METTL24: variants seen among roughly 807,000 people sequenced by gnomAD.
The protein encoded by METTL24 is probable methyltransferase-like protein 24.
In METTL24, 29 loss-of-function variants were observed where a neutral mutation model predicts 32.7. The ratio of observed to expected loss-of-function variants is 0.89; its 90% CI spans 0.66 to 1.21. The LOEUF (loss-of-function observed/expected upper bound fraction) is 1.21, where lower values mean the gene tolerates loss of function less well. Among genes scored for constraint, METTL24 ranks in the 50% most tolerant of loss-of-function variants. The probability of loss-of-function intolerance (pLI) is 0.00; values close to 1 mark genes in which losing one functional copy is unlikely to be tolerated. For synonymous variants in METTL24, 163 were observed against 179.5 expected (o/e 0.91, Z 0.73); for missense variants, 439 against 468.1 (o/e 0.94, Z 0.57).
chr6:110,333,440 A>G (rs1772146212), intron 1 of METTL24, among the ~76,000 whole-genome samples: 1 of 151,826 alleles, frequency 6.6e-6, no homozygotes, highest in Non-Finnish European at 1.5e-5. Flanking sequence ...TTTTCACTTG[A>G]TTTTTATTTT....
At chr6:110,353,332 G>A (rs1772646119) in intron 1 of METTL24, among the ~76,000 whole-genome samples, 1 of 152,086 alleles carries the variant, frequency 6.6e-6, no homozygotes, top group African/African-American at 2.4e-5. Context: ...ACTACTGCTG[G>A]GCCATGTTTC....
At position 110,282,266 on chromosome 6, in the gene METTL24, G is replaced by A. The variant is rs183587359; in HGVS notation, c.786+16656C>T. ...CTAATAGAAGTTCCCCCATCACTAA[G>A]AAAGTGAAAGGCAATAAAATATACC... On this transcript the variant is annotated intron_variant, in intron 4 of 4. Transcript: ENST00000338882. 1.2e-3 allele frequency among the ~76,000 whole-genome samples: 184 copies of A among 152,184 alleles called. 1 individual carries two copies. Among genetic ancestry groups the A allele is most frequent in the Non-Finnish European group, 2.9e-4 (20 of 67,980 alleles).
chr6:110,340,442 C>G (rs1032476506), intron 1 of METTL24, among the ~76,000 whole-genome samples: 1 of 152,186 alleles, frequency 6.6e-6, no homozygotes, highest in Admixed American at 6.5e-5. Flanking sequence ...CCATCCCTGG[C>G]CATGTCTTAA....
At chr6:110,289,146 G>GA (rs1357070925) in intron 4 of METTL24, among the ~76,000 whole-genome samples, 8 of 152,148 alleles carry the variant, frequency 5.3e-5, no homozygotes, top group African/African-American at 1.9e-4. Context: ...AAGCCAAAAA[G>GA]AAAGAGAAAA....
intron 1 of METTL24, among the ~76,000 whole-genome samples, chr6:110,342,197 G>A (rs1772372745): frequency 6.6e-6 from 1 of 152,220 alleles, no homozygotes; most frequent in African/African-American, 2.4e-5. Flanking sequence ...GGCAGCTTGA[G>A]GCTCTCTCTG....
intron 1 of METTL24, among the ~76,000 whole-genome samples, chr6:110,348,003 A>C (rs1772512772): frequency 6.6e-6 from 1 of 152,238 alleles, no homozygotes; most frequent in Admixed American, 6.5e-5. Flanking sequence ...TAATAAAATA[A>C]ATATTTAAAA....
At chr6:110,342,445 C>A (rs531398008) in intron 1 of METTL24, among the ~76,000 whole-genome samples, 1 of 152,230 alleles carries the variant, frequency 6.6e-6, no homozygotes, top group Admixed American at 6.5e-5. Context: ...GGCTGAGGTC[C>A]CAGGGTACGC....
intron 4 of METTL24, among the ~76,000 whole-genome samples, chr6:110,293,587 T>G (rs1250421196): frequency 1.3e-5 from 2 of 151,998 alleles, no homozygotes; most frequent in African/African-American, 4.8e-5. Flanking sequence ...TTTATACTCC[T>G]AAATTTTTTT....
chr6:110,249,702 T>A (rs543866095), intron 4 of METTL24, among the ~76,000 whole-genome samples: 5 of 152,138 alleles, frequency 3.3e-5, no homozygotes, highest in African/African-American at 1.2e-4. Flanking sequence ...ATTATGCCAC[T>A]AAAAATCATA....
intron 1 of METTL24, among the ~76,000 whole-genome samples, chr6:110,333,455 T>C (rs1026370019): frequency 1.3e-5 from 2 of 152,110 alleles, no homozygotes; most frequent in Non-Finnish European, 2.9e-5. Flanking sequence ...TATTTTATTA[T>C]ATTATTATTT....
chr6:110,251,212 G>T (rs1019733911), intron 4 of METTL24, among the ~76,000 whole-genome samples: 3 of 152,120 alleles, frequency 2.0e-5, no homozygotes, highest in Non-Finnish European at 4.4e-5. Flanking sequence ...GGCTAAATTT[G>T]CAAACAATTG....
At chr6:110,267,512 G>A (rs191638176) in intron 4 of METTL24, among the ~76,000 whole-genome samples, 4 of 152,198 alleles carry the variant, frequency 2.6e-5, no homozygotes, top group East Asian at 1.9e-4. Context: ...AGAAATAATC[G>A]TTCATCAGCT....
chr6:110,247,504 T>C (rs1297788642), intron 4 of METTL24, among the ~76,000 whole-genome samples: 1 of 152,188 alleles, frequency 6.6e-6, no homozygotes, highest in Non-Finnish European at 1.5e-5. Flanking sequence ...AGTATTATTA[T>C]CAATATTGCC....
chr6:110,265,168 AG>A (rs1414626438), intron 4 of METTL24, among the ~76,000 whole-genome samples: 7 of 150,336 alleles, frequency 4.7e-5, no homozygotes, highest in Admixed American at 1.3e-4. Context: ...AAAGAAAGAA[AG>A]AAAGAAAGAA....
chr6:110,265,125 AAAGGAAAGAAAGAAAGAAAGAAAGAAAG>A (rs1229350919), intron 4 of METTL24, among the ~76,000 whole-genome samples: 7 of 142,752 alleles, frequency 4.9e-5, no homozygotes, highest in African/African-American at 1.8e-4. Flanking sequence ...GTATAATAAA[AAAGGAAAGAAAGAAAGAAAGAAAGAAAG>A]AAAGAAAGAA....
chr6:110,283,271 CA>C (rs1771168441), intron 4 of METTL24, among the ~76,000 whole-genome samples: 1 of 152,152 alleles, frequency 6.6e-6, no homozygotes, highest in Non-Finnish European at 1.5e-5. Flanking sequence ...CATCCACAGG[CA>C]GGTTCCCTTT....
At position 110,324,858 on chromosome 6, in the gene METTL24, T is replaced by C. The variant is rs535890654; in HGVS notation, c.319-1986A>G. Among the ~76,000 whole-genome samples the C allele has an allele frequency of 2.4e-4, 36 of 152,368 alleles. 1 individual carries two copies. Among genetic ancestry groups the C allele is most frequent in the African/African-American group, 7.7e-4 (32 of 41,588 alleles). ...GCCTTAGCCACTCTGTGCCAGGCAC[T>C]GGTAAATAGAGATATGACTAAAACC... On this transcript the variant is annotated intron_variant, in intron 1 of 4. Coordinates refer to ENST00000338882, the MANE Select transcript of METTL24 (RefSeq NM_001123364.3).
At chr6:110,333,398 TTTTA>T (rs1311520787) in intron 1 of METTL24, among the ~76,000 whole-genome samples, 2 of 152,254 alleles carry the variant, frequency 1.3e-5, no homozygotes, top group African/African-American at 2.4e-5. Context: ...TAAACCGTGT[TTTTA>T]TTTGAGATTT....
intron 1 of METTL24, among the ~76,000 whole-genome samples, chr6:110,346,691 G>A (rs941595674): frequency 5.3e-5 from 8 of 152,122 alleles, no homozygotes; most frequent in Non-Finnish European, 1.2e-4. Context: ...ATTTAGTAGA[G>A]ACAGAGTTTC....
Sources: allele counts gnomAD v4.1 joint callset (sites outside exome capture counted in the v4.1 genomes callset), GRCh38; gene constraint gnomAD v4.1.1; transcripts MANE v1.5; gene names NCBI Gene and HGNC (gene_info 2026-07-23, HGNC 2026-07-21).